MACROD2: variants seen among roughly 807,000 people sequenced by gnomAD.
The protein encoded by MACROD2 is ADP-ribose glycohydrolase MACROD2.
A neutral mutation model predicts 70.4 loss-of-function variants in MACROD2; 36 were observed. The ratio of observed to expected loss-of-function variants is 0.51; its 90% CI spans 0.39 to 0.68. MACROD2 has a LOEUF of 0.68. MACROD2 is among the 30% of genes least tolerant of loss of function. The probability of loss-of-function intolerance (pLI) is 0.00; values close to 1 mark genes in which losing one functional copy is unlikely to be tolerated. For synonymous variants in MACROD2, 172 were observed against 178.8 expected, an observed-to-expected ratio of 0.96 and a Z score of 0.30; for missense variants, 496 against 538.4, an observed-to-expected ratio of 0.92 and a Z score of 0.78.
At chr20:14,708,204 A>G (rs1304975937) in intron 5 of MACROD2, among the ~76,000 whole-genome samples, 1 of 152,198 alleles carries the variant, frequency 6.6e-6, no homozygotes, top group Non-Finnish European at 1.5e-5. Flanking sequence ...TCTGTTCATT[A>G]CGACATTTAA....
At chr20:14,872,855 A>G (rs551723697) in intron 5 of MACROD2, among the ~76,000 whole-genome samples, 12 of 152,216 alleles carry the variant, frequency 7.9e-5, no homozygotes, top group African/African-American at 2.9e-4. Flanking sequence ...GGAACTTACA[A>G]TCATGGCTGA....
At chr20:14,663,118 G>A (rs1986307517) in intron 4 of MACROD2, among the ~76,000 whole-genome samples, 1 of 152,102 alleles carries the variant, frequency 6.6e-6, no homozygotes, top group East Asian at 1.9e-4. Flanking sequence ...TAAAGAAAAT[G>A]TGGTATATAT....
At chr20:14,559,294 AT>A (rs550342306) in intron 4 of MACROD2, among the ~76,000 whole-genome samples, 40 of 151,798 alleles carry the variant, frequency 2.6e-4, no homozygotes, top group Middle Eastern at 3.4e-3. Context: ...TTAGCAGTGT[AT>A]TTTTTTAAAT....
intron 4 of MACROD2, among the ~76,000 whole-genome samples, chr20:14,613,142 T>A (rs528948802): frequency 2.0e-5 from 3 of 152,172 alleles, no homozygotes; most frequent in African/African-American, 7.2e-5. Context: ...ATAGTGGAAA[T>A]TGTATTAAAT....
At chr20:15,767,127 T>TA (rs1284154188) in intron 8 of MACROD2, among the ~76,000 whole-genome samples, 8 of 152,340 alleles carry the variant, frequency 5.3e-5, no homozygotes, top group African/African-American at 1.9e-4. Flanking sequence ...TTTTCTCTTT[T>TA]AAAAAAATAA....
rs1230863391 is a variant in MACROD2, at chr20:14,938,940, A to ATTTTTTTTTTTTTTTT, written c.418+253988_418+254003dup. ...GATATTTTTTTCATTGTTAAATCAGATTTTTTTTTTTTTTTTTTTTTTACT... is the reference window on the plus strand; with the variant it reads ...GATATTTTTTTCATTGTTAAATCAGATTTTTTTTTTTTTTTTTTTTTTTTTTTTTTTTTTTTTTACT... On this transcript the variant is annotated intron_variant, in intron 5 of 17. Transcript: ENST00000684519. Among the ~76,000 whole-genome samples, 63 of 86,426 alleles carry ATTTTTTTTTTTTTTTT rather than the reference A, an allele frequency of 7.3e-4. 1 individual carries two copies. The highest frequency in any genetic ancestry group is 1.8e-3 in the African/African-American group (42 of 23,814). The allele number at this position is 86,426 out of a possible 152,430, so 56.7% of individuals were successfully genotyped here. A position where few individuals can be genotyped will look rare whatever the true frequency, so the allele number is the denominator to read the frequency against.
At chr20:15,703,019 G>C (rs1463036455) in intron 8 of MACROD2, among the ~76,000 whole-genome samples, 2 of 152,122 alleles carry the variant, frequency 1.3e-5, no homozygotes, top group African/African-American at 4.8e-5. Flanking sequence ...CTTTGACAAA[G>C]TTGACAAAAA....
chr20:14,466,728 CTGTT>C (rs2084455284), intron 3 of MACROD2, among the ~76,000 whole-genome samples: 1 of 152,144 alleles, frequency 6.6e-6, no homozygotes, highest in South Asian at 2.1e-4. Context: ...GATGTCCTTT[CTGTT>C]TGTTAGTTTT....
chr20:14,160,774 CT>C (rs2055174976), intron 3 of MACROD2, among the ~76,000 whole-genome samples: 1 of 151,058 alleles, frequency 6.6e-6, no homozygotes, highest in Non-Finnish European at 1.5e-5. Flanking sequence ...TTGTTTTTTC[CT>C]GCTTTTTTAG....
chr20:14,092,626 G>C (rs2054165843), intron 3 of MACROD2, among the ~76,000 whole-genome samples: 1 of 152,200 alleles, frequency 6.6e-6, no homozygotes, highest in Non-Finnish European at 1.5e-5. Context: ...ATTATAAACT[G>C]CCCTGCTGAC....
chr20:15,741,673 C>T (rs1455070191), intron 8 of MACROD2, among the ~76,000 whole-genome samples: 1 of 152,130 alleles, frequency 6.6e-6, no homozygotes, highest in Admixed American at 6.6e-5. Context: ...TCCAATAGCT[C>T]CTTAATCCCT....
At chr20:15,511,673 G>C (rs1484204890) in intron 8 of MACROD2, among the ~76,000 whole-genome samples, 3 of 152,178 alleles carry the variant, frequency 2.0e-5, no homozygotes, top group Admixed American at 6.5e-5. Flanking sequence ...AATGTTGCCT[G>C]TTTGTAACCA....
chr20:15,303,695 T>C (rs908622314), intron 6 of MACROD2, among the ~76,000 whole-genome samples: 2 of 152,224 alleles, frequency 1.3e-5, no homozygotes, highest in African/African-American at 4.8e-5. Flanking sequence ...GTTTCTTCTA[T>C]TACAGAGTAA....
intron 5 of MACROD2, among the ~76,000 whole-genome samples, chr20:14,822,398 A>C (rs1360351123): frequency 6.6e-6 from 1 of 152,082 alleles, no homozygotes; most frequent in Non-Finnish European, 1.5e-5. Context: ...TCTACTTAAT[A>C]GTAAACTCTG....
chr20:15,142,202 C>G (rs2076196805), intron 5 of MACROD2, among the ~76,000 whole-genome samples: 1 of 152,148 alleles, frequency 6.6e-6, no homozygotes, highest in Admixed American at 6.6e-5. Context: ...CTGGTAACTA[C>G]TAAGACTCAA....
intron 8 of MACROD2, among the ~76,000 whole-genome samples, chr20:15,531,700 G>GT (rs1165805446): frequency 1.3e-5 from 2 of 152,022 alleles, no homozygotes; most frequent in African/African-American, 2.4e-5. Context: ...CAGTGCAATC[G>GT]TTTTTGTTAT....
chr20:15,057,957 T>C (rs1401512906), intron 5 of MACROD2, among the ~76,000 whole-genome samples: 1 of 152,168 alleles, frequency 6.6e-6, no homozygotes, highest in Non-Finnish European at 1.5e-5. Context: ...GATCCTGAGA[T>C]AGTAAAATAC....
At chr20:15,362,426 GT>G (rs796668723) in intron 6 of MACROD2, among the ~76,000 whole-genome samples, 1 of 141,328 alleles carries the variant, frequency 7.1e-6, no homozygotes, top group Non-Finnish European at 1.5e-5. Context: ...TTAGCTGTAG[GT>G]TTTTTTTATA....
intron 7 of MACROD2, among the ~76,000 whole-genome samples, chr20:15,490,227 TCCTTCCTCCCTTC>T: frequency 1.0e-5 from 1 of 99,086 alleles, no homozygotes; most frequent in Middle Eastern, 5.1e-3. Flanking sequence ...CTTCCTCCCT[TCCTTCCTCCCTTC>T]CCTTCCCTTC....
Sources: allele counts gnomAD v4.1 joint callset (sites outside exome capture counted in the v4.1 genomes callset), GRCh38; gene constraint gnomAD v4.1.1; transcripts MANE v1.5; gene names NCBI Gene and HGNC (gene_info 2026-07-23, HGNC 2026-07-21).